PREX1: variants seen among roughly 807,000 people sequenced by gnomAD.
PREX1 encodes the protein phosphatidylinositol 3,4,5-trisphosphate-dependent Rac exchanger 1 protein.
PREX1 carries 41 observed loss-of-function variants against 198.3 expected under a neutral mutation model. The ratio of observed to expected loss-of-function variants is 0.21; its 90% CI spans 0.16 to 0.27. The LOEUF is 0.27. Ranked by LOEUF, PREX1 falls within the 10% of genes least tolerant of loss-of-function variation. The probability of loss-of-function intolerance (pLI) is 1.00; values close to 1 mark genes in which losing one functional copy is unlikely to be tolerated. For synonymous variants in PREX1, 843 were observed against 887.2 expected (o/e 0.95, Z 0.89); for missense variants, 1,620 against 2,200.7 (o/e 0.74, Z 5.28).
chr20:48,746,570 C>T (rs1196423090), intron 2 of PREX1, among the ~76,000 whole-genome samples: 1 of 152,126 alleles, frequency 6.6e-6, no homozygotes, highest in Non-Finnish European at 1.5e-5. Flanking sequence ...ATCCATGGTA[C>T]TAGGAACCAG....
intron 4 of PREX1, among the ~76,000 whole-genome samples, chr20:48,733,745 G>GT (rs772618727): frequency 1.2e-5 from 1 of 85,068 alleles, no homozygotes. Context: ...CAGTTTTTGG[G>GT]TTTTTTTGTT....
intron 26 of PREX1, among the ~76,000 whole-genome samples, chr20:48,644,796 G>A (rs1485215976): frequency 6.6e-6 from 1 of 152,230 alleles, no homozygotes; most frequent in Non-Finnish European, 1.5e-5. Context: ...GTCCCCAGGG[G>A]ACAGCCTTGC....
intron 1 of PREX1, among the ~76,000 whole-genome samples, chr20:48,763,743 G>A (rs2090195276): frequency 6.6e-6 from 1 of 152,154 alleles, no homozygotes; most frequent in South Asian, 2.1e-4. Flanking sequence ...TGCAGCCATG[G>A]AGGTTTCCTC....
At chr20:48,717,497 T>TAA (rs75263542) in intron 5 of PREX1, among the ~76,000 whole-genome samples, 11 of 139,196 alleles carry the variant, frequency 7.9e-5, no homozygotes, top group African/African-American at 2.4e-4. Context: ...ACCACCACTT[T>TAA]AAAAAAAAAA....
chr20:48,661,444 A>AAAAAATATATAT (rs1555832820), intron 15 of PREX1, among the ~76,000 whole-genome samples: 1 of 49,594 alleles, frequency 2.0e-5, no homozygotes, highest in Non-Finnish European at 3.1e-5. Flanking sequence ...AAAAAAAAAA[A>AAAAAATATATAT]ATATATATAT....
At chr20:48,724,095 G>A (rs937575480) in intron 5 of PREX1, among the ~76,000 whole-genome samples, 10 of 152,172 alleles carry the variant, frequency 6.6e-5, no homozygotes, top group Admixed American at 2.6e-4. Flanking sequence ...GGGCAGCATC[G>A]CTGACACTCC....
intron 1 of PREX1, among the ~76,000 whole-genome samples, chr20:48,797,346 C>A (rs2090367581): frequency 1.4e-5 from 2 of 144,932 alleles, no homozygotes; most frequent in South Asian, 2.3e-4. Context: ...TCCCCCCAGA[C>A]CCCCCCCAGG....
intron 5 of PREX1, among the ~76,000 whole-genome samples, chr20:48,710,758 G>A (rs183714684): frequency 4.1e-4 from 62 of 152,376 alleles, no homozygotes; most frequent in African/African-American, 1.1e-3. Flanking sequence ...GCTTGCGAGC[G>A]AAGCTTGAAT....
intron 1 of PREX1, among the ~76,000 whole-genome samples, chr20:48,769,549 T>C (rs867209329): frequency 3.7e-4 from 56 of 152,316 alleles, no homozygotes; most frequent in Middle Eastern, 3.4e-3. Flanking sequence ...GCTCACACTC[T>C]GTGACCTCAC....
chr20:48,643,065 G>A (rs534149108), intron 27 of PREX1, among the ~76,000 whole-genome samples: 4 of 152,230 alleles, frequency 2.6e-5, no homozygotes, highest in Non-Finnish European at 4.4e-5. Context: ...AACCAAGGGT[G>A]GGGGGGAGAC....
At chr20:48,857,924 G>A in the PREX1 span, among the ~76,000 whole-genome samples, 1 of 152,240 alleles carries the variant, frequency 6.6e-6, no homozygotes, top group Non-Finnish European at 1.5e-5. Context: ...GGGCCAAGGG[G>A]TGGCAAATGC....
At chr20:48,697,998 C>G (rs1274123620) in intron 7 of PREX1, among the ~76,000 whole-genome samples, 5 of 152,192 alleles carry the variant, frequency 3.3e-5, no homozygotes, top group Non-Finnish European at 7.3e-5. Context: ...GCACCCACAT[C>G]AGACTCAGGT....
At chr20:48,841,374 T>C in the PREX1 span, among the ~76,000 whole-genome samples, 33 of 152,312 alleles carry the variant, frequency 2.2e-4, no homozygotes, top group Admixed American at 2.1e-3. Flanking sequence ...AAGACAATAA[T>C]AATGAATGGG....
chr20:48,842,692 A>T, the PREX1 span, among the ~76,000 whole-genome samples: 1 of 151,482 alleles, frequency 6.6e-6, no homozygotes, highest in Non-Finnish European at 1.5e-5. Flanking sequence ...TCTCCTTCTT[A>T]AAATATGCTT....
chr20:48,805,851 A>G (rs6095300), intron 1 of PREX1, among the ~76,000 whole-genome samples: 27,538 of 152,184 alleles, frequency 0.18, 2,671 homozygotes, highest in Middle Eastern at 0.3. Flanking sequence ...AACCAGCTGT[A>G]ACACCTCTCC....
At chr20:48,793,108 G>A (rs921314649) in intron 1 of PREX1, among the ~76,000 whole-genome samples, 2 of 152,162 alleles carry the variant, frequency 1.3e-5, no homozygotes, top group Non-Finnish European at 2.9e-5. Flanking sequence ...GGAAGGCTGA[G>A]GGGGGAGAAT....
chr20:48,816,192 C>G (rs903180616), intron 1 of PREX1, among the ~76,000 whole-genome samples: 1 of 152,170 alleles, frequency 6.6e-6, no homozygotes, highest in Non-Finnish European at 1.5e-5. Flanking sequence ...TCACCTTACT[C>G]AGGGTTCACT....
Position 48,681,215 on chromosome 20 carries a change from G to A in PREX1, c.1435+20C>T. 6.2e-7 allele frequency: 1 copy of A among 1,608,304 alleles called. No homozygotes were observed. Among genetic ancestry groups the A allele is most frequent in the Non-Finnish European group, 8.5e-7 (1 of 1,175,282 alleles). On this transcript the variant is annotated intron_variant, in intron 11 of 39. Transcript: ENST00000371941. ...CCTGTTCCCACCCCTTGGCCCAGCT[G>A]GGCCCAGCCCTCCACTCACCATGGT...
intron 1 of PREX1, among the ~76,000 whole-genome samples, chr20:48,769,334 G>A (rs965185854): frequency 6.6e-6 from 1 of 152,146 alleles, no homozygotes; most frequent in African/African-American, 2.4e-5. Context: ...AATCCTGAGG[G>A]GATCCTCTCC....
Sources: gnomAD v4.1 joint callset for allele counts (sites outside exome capture counted in the v4.1 genomes callset) on GRCh38, gnomAD v4.1.1 for gene constraint, MANE v1.5 for transcripts, NCBI Gene and HGNC (gene_info 2026-07-23, HGNC 2026-07-21) for gene names.